CTNS: variants seen among roughly 807,000 people sequenced by gnomAD.
CTNS encodes cystinosin.
Under a neutral mutation model 43.7 loss-of-function variants are expected in CTNS, and 27 were observed. That is an observed-to-expected ratio of 0.62 (90% CI 0.46 to 0.85). The LOEUF (loss-of-function observed/expected upper bound fraction) is 0.85, where lower values mean the gene tolerates loss of function less well. Ranked by LOEUF, CTNS falls within the 40% of genes least tolerant of loss-of-function variation. The pLI, the probability that CTNS is intolerant of heterozygous loss-of-function variation, is 0.00. For missense variants in CTNS, 457 were observed against 475.4 expected (o/e 0.96, Z 0.36); for synonymous variants, 187 against 190.6 (o/e 0.98, Z 0.16).
chr17:3,661,246 G>T lies in CTNS; in HGVS notation c.*877G>T, dbSNP rs1180991341. The stretch of plus-strand genomic sequence containing the variant: ...ACCAGCTCCCCTGGAGCGAGGGCAG[G>T]CCCCTTCCCTCTCTTTCCCCAGACA... On this transcript the variant is annotated 3_prime_UTR_variant, in exon 12 of 12. Coordinates refer to ENST00000046640, the MANE Select transcript of CTNS (RefSeq NM_004937.3). The T allele has an allele frequency of 1.0e-5, 2 of 193,828 alleles. No homozygotes were observed. The highest frequency in any genetic ancestry group is 1.3e-4 in the East Asian group (1 of 7,930). 12.0% of individuals were successfully genotyped at this position (193,828 alleles called of 1,614,324 possible).
chr17:3,648,294 C>T (rs1321635732), intron 4 of CTNS, among the ~76,000 whole-genome samples: 1 of 152,222 alleles, frequency 6.6e-6, no homozygotes, highest in Non-Finnish European at 1.5e-5. Flanking sequence ...CAAGTCATCT[C>T]TTACCACAAC....
At chr17:3,656,945 G>T in intron 9 of CTNS, 150 bp downstream of exon 9, 1 of 1,293,232 alleles carries the variant, frequency 7.7e-7, no homozygotes, top group South Asian at 1.3e-5. Flanking sequence ...ACACCCATGA[G>T]TCCAGGCCCT....
chr17:3,660,061 C>A, intron 11 of CTNS, 86 bp downstream of exon 11: 1 of 1,441,872 alleles, frequency 6.9e-7, no homozygotes, highest in Non-Finnish European at 9.7e-7. Flanking sequence ...GCCAGGGCTC[C>A]ACCCCCACCT....
chr17:3,646,675 A>G (rs1027955890), intron 3 of CTNS, among the ~76,000 whole-genome samples: 1 of 151,938 alleles, frequency 6.6e-6, no homozygotes, highest in African/African-American at 2.4e-5. Context: ...GGGCTCAAGC[A>G]GTCCTCCCGC....
At chr17:3,653,703 C>G (rs1415556781) in intron 5 of CTNS, among the ~76,000 whole-genome samples, 1 of 152,108 alleles carries the variant, frequency 6.6e-6, no homozygotes, top group Non-Finnish European at 1.5e-5. Context: ...TGGTGAAACC[C>G]CGTCTCTACT....
chr17:3,653,492 T>C (rs1192926833), intron 5 of CTNS, among the ~76,000 whole-genome samples: 8 of 152,206 alleles, frequency 5.3e-5, no homozygotes, highest in African/African-American at 1.9e-4. Flanking sequence ...TGGAGTATTA[T>C]CCAGGGAGCA....
At chr17:3,645,965 GA>G (rs201313553) in intron 3 of CTNS, among the ~76,000 whole-genome samples, 8,932 of 120,436 alleles carry the variant, frequency 0.074, 279 homozygotes, top group Middle Eastern at 0.14. Flanking sequence ...TGGGTGGGGG[GA>G]ACTGGGCCTG....
intron 10 of CTNS, among the ~76,000 whole-genome samples, chr17:3,658,748 T>C (rs2076214707): frequency 6.6e-6 from 1 of 152,172 alleles, no homozygotes; most frequent in South Asian, 2.1e-4. Context: ...GGGAGCCTCG[T>C]GTTCTGTGAG....
At chr17:3,655,641 G>A (rs2076112061) in intron 7 of CTNS, 2 of 443,888 alleles carry the variant, frequency 4.5e-6, no homozygotes, top group Non-Finnish European at 8.4e-6. Flanking sequence ...AGTCCATCGT[G>A]AATCTCCTCT....
In CTNS at chr17:3,648,321, G is replaced by GCGGC. The variant is rs1457167616; in HGVS notation, c.141-526_141-525insCGGC. Among the ~76,000 whole-genome samples, 63 of 152,178 alleles carry GCGGC rather than the reference G, an allele frequency of 4.1e-4. 1 individual carries two copies. Among genetic ancestry groups the GCGGC allele is most frequent in the Non-Finnish European group, 2.4e-4 (16 of 68,032 alleles). ...TACCACAACTGTCCAGGCCCCTGGA[G>GCGGC]TGGCCTCCCACTGCCTTTCAGATTA... On this transcript the variant is annotated intron_variant, in intron 4 of 11. Coordinates refer to ENST00000046640, the MANE Select transcript of CTNS (RefSeq NM_004937.3).
intron 5 of CTNS, among the ~76,000 whole-genome samples, chr17:3,654,676 G>A (rs1298313105): frequency 3.8e-5 from 5 of 131,778 alleles, no homozygotes; most frequent in East Asian, 2.0e-4. Context: ...GCGAGACTCC[G>A]TCTCAAAAAA....
rs1464128035 is a variant in CTNS, at chr17:3,660,791, CA to C, written c.*424del. On this transcript the variant is annotated 3_prime_UTR_variant, in exon 12 of 12. Transcript: ENST00000046640. ...CTGCCACCGCTGCATTCCCAGAGATCAAGCAGCCCGGTGCCGTGGCCAGTGA... is the reference window on the plus strand; with the variant it reads ...CTGCCACCGCTGCATTCCCAGAGATCAGCAGCCCGGTGCCGTGGCCAGTGA... 1.2e-6 allele frequency: 2 copies of C among 1,610,440 alleles called. No individual in the cohort carries two copies. Among genetic ancestry groups the C allele is most frequent in the Non-Finnish European group, 1.7e-6 (2 of 1,179,104 alleles).
At chr17:3,648,018 C>T (rs1481462692) in intron 4 of CTNS, among the ~76,000 whole-genome samples, 3 of 152,308 alleles carry the variant, frequency 2.0e-5, no homozygotes, top group South Asian at 4.1e-4. Flanking sequence ...ACAAACGTCG[C>T]GACCTAGTCC....
chr17:3,659,324 G>A (rs946654490), intron 10 of CTNS, among the ~76,000 whole-genome samples: 15 of 152,178 alleles, frequency 9.9e-5, no homozygotes, highest in Admixed American at 3.3e-4. Flanking sequence ...AGGAAGCCCC[G>A]GCCAGGCCTG....
At chr17:3,650,462 T>C (rs1327229314) in intron 5 of CTNS, 3 of 1,044,772 alleles carry the variant, frequency 2.9e-6, no homozygotes, top group Admixed American at 2.9e-5. Context: ...AGCCTGAGTG[T>C]TGGAGCAAGA....
In CTNS at chr17:3,648,853, A is replaced by ACT; in HGVS notation, c.147_148insCT (p.Asn51Ter). 3 of 1,613,798 alleles carry ACT rather than the reference A, an allele frequency of 1.9e-6. No homozygotes were observed. The highest frequency in any genetic ancestry group is 2.2e-5 in the South Asian group (2 of 91,082). On this transcript the variant is annotated frameshift_variant, in exon 5 of 12. Coordinates refer to ENST00000046640, the MANE Select transcript of CTNS (RefSeq NM_004937.3). LOFTEE classifies it high-confidence loss of function. The stretch of plus-strand genomic sequence containing the variant: ...AGACTCTTGTCCTCCACAGGCCACC[A>ACT]TTAAATGCAACCCTGGTGATCACTT...
At chr17:3,640,449 G>A (rs2075657680) in intron 3 of CTNS, among the ~76,000 whole-genome samples, 182 bp downstream of exon 3, 1 of 152,268 alleles carries the variant, frequency 6.6e-6, no homozygotes, top group South Asian at 2.1e-4. Context: ...CAGGTGTTCT[G>A]CAAAGAGCCA....
intron 4 of CTNS, 68 bp downstream of exon 4, chr17:3,647,590 C>A: frequency 7.5e-7 from 1 of 1,329,584 alleles, no homozygotes. Flanking sequence ...GGGCTGACCC[C>A]TGGCTCAGTC....
chr17:3,637,623 T>G (rs458322), intron 2 of CTNS, among the ~76,000 whole-genome samples: 1 of 151,810 alleles, frequency 6.6e-6, no homozygotes, highest in Non-Finnish European at 1.5e-5. Context: ...TGAGCCACCA[T>G]GCCCAGCTAA....
Sources: allele counts gnomAD v4.1 joint callset (sites outside exome capture counted in the v4.1 genomes callset), GRCh38; gene constraint gnomAD v4.1.1; transcripts MANE v1.5; gene names NCBI Gene and HGNC (gene_info 2026-07-23, HGNC 2026-07-21).